C2CD2: variants seen among roughly 807,000 people sequenced by gnomAD.
C2CD2 encodes the protein C2 domain-containing protein 2.
C2CD2 carries 43 observed loss-of-function variants against 74.3 expected under a neutral mutation model. That is an observed-to-expected ratio of 0.58 (90% CI 0.45 to 0.75). The LOEUF (loss-of-function observed/expected upper bound fraction) is 0.75. Among genes scored for constraint, C2CD2 ranks in the 30% least tolerant of loss-of-function variants. C2CD2 has a pLI of 0.00. For synonymous variants in C2CD2, 422 were observed against 390.7 expected (o/e 1.08, Z -0.94); for missense variants, 801 against 916.3 (o/e 0.87, Z 1.63).
rs1370988114 is a variant in C2CD2 at position 41,923,034 on chromosome 21, C to T, written c.379-949G>A. On this transcript the variant is annotated intron_variant, in intron 2 of 13. Transcript: ENST00000380486. The surrounding 1 kb of genome is among the most constrained non-coding windows in gnomAD (Gnocchi z 5.8). ...TTTTGGAGATGGAGTTTCACTCTGTCGCCCAGGTTGGAGTGCAGTGGCACA... is the reference window on the plus strand; with the variant it reads ...TTTTGGAGATGGAGTTTCACTCTGTTGCCCAGGTTGGAGTGCAGTGGCACA... 6.7e-6 allele frequency among the ~76,000 whole-genome samples: 1 copy of T among 150,222 alleles called. No individual in the cohort carries two copies. Among genetic ancestry groups the T allele is most frequent in the Non-Finnish European group, 1.5e-5 (1 of 67,826 alleles).
intron 13 of C2CD2, among the ~76,000 whole-genome samples, chr21:41,898,631 G>T (rs1291125834): frequency 6.6e-6 from 1 of 152,174 alleles, no homozygotes; most frequent in Admixed American, 6.5e-5. Flanking sequence ...TTTTGTTTCA[G>T]GTGCAGGGAG....
chr21:41,914,531 G>A (rs1010419601), intron 6 of C2CD2, 67 bp downstream of exon 6: 1 of 1,454,604 alleles, frequency 6.9e-7, no homozygotes. Flanking sequence ...AGGCCCCCCG[G>A]AGCCCCCGAC....
In C2CD2 at chr21:41,903,137, C is replaced by T. The variant is rs75164491; in HGVS notation, c.1433-1388G>A. On this transcript the variant is annotated intron_variant, in intron 11 of 13. Transcript: ENST00000380486. The surrounding 1 kb of genome is among the most constrained non-coding windows in gnomAD (Gnocchi z 4.5). ...ACGTACTGGGAAAGGGGCGACTCCA[C>T]GGAGATCAAAGCTCCCACACTCAGG... 0.016 allele frequency among the ~76,000 whole-genome samples: 2,473 copies of T among 152,292 alleles called. 72 individuals carry two copies. Among genetic ancestry groups the T allele is most frequent in the African/African-American group, 0.056 (2,333 of 41,536 alleles).
rs959472201 is a variant in C2CD2 at position 41,885,343 on chromosome 21, A to G, written c.*3781T>C. On this transcript the variant is annotated 3_prime_UTR_variant, in exon 14 of 14. Coordinates refer to ENST00000380486, the MANE Select transcript of C2CD2 (RefSeq NM_015500.2). ...ACCTGCCACTTTCTTCTCTTTTTAC[A>G]ATGCAGTTTCGACATAACATTGGTA... 6.6e-6 allele frequency: 1 copy of G among 152,544 alleles called. No homozygotes were observed. The highest frequency in any genetic ancestry group is 6.5e-5 in the Admixed American group (1 of 15,282). 9.4% of individuals were successfully genotyped at this position (152,544 alleles called of 1,614,324 possible).
rs756578950 is a variant in C2CD2 at position 41,945,309 on chromosome 21, G to GT, written c.280-3065dup. On this transcript the variant is annotated intron_variant, in intron 1 of 13. Coordinates refer to ENST00000380486, the MANE Select transcript of C2CD2 (RefSeq NM_015500.2). The surrounding 1 kb of genome is among the most constrained non-coding windows in gnomAD (Gnocchi z 4.2). ...TGCGCACACACGTTGGTATACACAC[G>GT]TATGTTTGCTATTGCTGAACACTGA... 3.3e-4 allele frequency among the ~76,000 whole-genome samples: 51 copies of GT among 152,240 alleles called. No individual in the cohort carries two copies. Among genetic ancestry groups the GT allele is most frequent in the Non-Finnish European group, 6.3e-4 (43 of 68,016 alleles).
intron 13 of C2CD2, among the ~76,000 whole-genome samples, chr21:41,893,229 A>C (rs532146858): frequency 2.6e-5 from 4 of 152,332 alleles, no homozygotes; most frequent in Admixed American, 6.5e-5. Context: ...TAATTTATGC[A>C]AGTGAAATTG....
In C2CD2 at chr21:41,937,964, C is replaced by T. The variant is rs142864570; in HGVS notation, c.378+4183G>A. Among the ~76,000 whole-genome samples, 515 of 152,150 alleles carry T rather than the reference C, an allele frequency of 3.4e-3. 4 individuals carry two copies. Among genetic ancestry groups the T allele is most frequent in the African/African-American group, 0.012 (494 of 41,508 alleles). On this transcript the variant is annotated intron_variant, in intron 2 of 13. Transcript: ENST00000380486. ...CCAGACGCTGGGGAGTTGGGGACGT[C>T]GGGGAGGTATTGGTTAAAGGATACC...
Position 41,914,664 on chromosome 21 carries a change from C to T in C2CD2, c.778G>A (p.Ala260Thr), listed in dbSNP as rs942612986. ...QESCPPKPPR[A>T]HELKLLVRNI... ...CTCACCAGTAGCTTCAGCTCGTGAGCCCTTGGAGGTTTAGGAGGACAGGAT... is the reference window on the plus strand; with the variant it reads ...CTCACCAGTAGCTTCAGCTCGTGAGTCCTTGGAGGTTTAGGAGGACAGGAT... The change falls in exon 6 of 14, where the codon GCT becomes ACT. Residue 260 changes from alanine (A) to threonine (T), a missense_variant. Coordinates refer to ENST00000380486, the MANE Select transcript of C2CD2 (RefSeq NM_015500.2). 6.2e-7 allele frequency: 1 copy of T among 1,613,690 alleles called. No homozygotes were observed. Among genetic ancestry groups the T allele is most frequent in the South Asian group, 1.1e-5 (1 of 91,068 alleles).
At chr21:41,952,265 G>A (rs2065456137) in intron 1 of C2CD2, among the ~76,000 whole-genome samples, 1 of 152,216 alleles carries the variant, frequency 6.6e-6, no homozygotes, top group Non-Finnish European at 1.5e-5. Context: ...TTGATTTGTT[G>A]GATGGCTGCT....
rs938043502 is a variant in C2CD2 at position 41,919,070 on chromosome 21, G to A, written c.493-110C>T. The A allele has an allele frequency of 1.6e-5, 12 of 770,538 alleles. No homozygotes were observed. In the African/African-American group the frequency reaches 1.9e-4, roughly 12 times the overall value. The allele number at this position is 770,538 out of a possible 1,614,324, so 47.7% of individuals were successfully genotyped here. A position where few individuals can be genotyped will look rare whatever the true frequency, so the allele number is the denominator to read the frequency against. ...TGTGTGTGTGCATATATGCATGTGA[G>A]CATGTGTCTATGTGAGCATATATGA... On this transcript the variant is annotated intron_variant, in intron 3 of 13. Coordinates refer to ENST00000380486, the MANE Select transcript of C2CD2 (RefSeq NM_015500.2).
At chr21:41,902,192 CA>C (rs960121944) in intron 11 of C2CD2, among the ~76,000 whole-genome samples, 3 of 152,168 alleles carry the variant, frequency 2.0e-5, no homozygotes, top group Non-Finnish European at 4.4e-5. Context: ...AAGCAAACAA[CA>C]AAAAAAAAAT....
intron 10 of C2CD2, among the ~76,000 whole-genome samples, chr21:41,906,448 C>T (rs923811976): frequency 6.6e-6 from 1 of 152,218 alleles, no homozygotes; most frequent in Non-Finnish European, 1.5e-5. Flanking sequence ...TCACTGCAAC[C>T]TCTGCCTCCT....
At chr21:41,896,707 C>CAAAAAAA (rs71332341) in intron 13 of C2CD2, among the ~76,000 whole-genome samples, 24 of 73,612 alleles carry the variant, frequency 3.3e-4, no homozygotes, top group African/African-American at 5.2e-4. Context: ...GTTCTTAAAC[C>CAAAAAAA]AAAAAAAAAA....
rs2065217536 is a variant in C2CD2, at chr21:41,926,746, C to T, written c.379-4661G>A. On this transcript the variant is annotated intron_variant, in intron 2 of 13. Transcript: ENST00000380486. The surrounding 1 kb of genome is among the most constrained non-coding windows in gnomAD (Gnocchi z 8.0). Reference sequence around the variant, plus strand: ...TTCAATTAAGCTTCCTGTACAGCTGCCTCGGCTCCTTCTCTTAGAACACTC... The same window carrying T: ...TTCAATTAAGCTTCCTGTACAGCTGTCTCGGCTCCTTCTCTTAGAACACTC... 1 of 334,226 alleles carries T rather than the reference C, an allele frequency of 3.0e-6. No homozygotes were observed. The highest frequency in any genetic ancestry group is 2.2e-5 in the African/African-American group (1 of 44,776). The allele number at this position is 334,226 out of a possible 1,614,324, so 20.7% of individuals were successfully genotyped here. A position where few individuals can be genotyped will look rare whatever the true frequency, so the allele number is the denominator to read the frequency against.
chr21:41,944,500 C>T (rs1450447976), intron 1 of C2CD2, among the ~76,000 whole-genome samples: 8 of 116,584 alleles, frequency 6.9e-5, no homozygotes, highest in African/African-American at 1.0e-4. Flanking sequence ...TGAGCCTGGG[C>T]GACAGAGCGA....
chr21:41,910,033 T>A (rs540033011), intron 7 of C2CD2, among the ~76,000 whole-genome samples: 12 of 149,404 alleles, frequency 8.0e-5, no homozygotes, highest in Non-Finnish European at 1.5e-4. Context: ...GAAGTCTTGC[T>A]ACGTTGCCCA....
chr21:41,894,866 G>T (rs2064803762), intron 13 of C2CD2: 2 of 456,658 alleles, frequency 4.4e-6, no homozygotes, highest in Non-Finnish European at 8.8e-6. Context: ...TGGTGGTTGT[G>T]AGGGTCAAGG....
At position 41,918,940 on chromosome 21, in the gene C2CD2, C is replaced by A. The variant is rs188498598; in HGVS notation, c.513G>T (p.Glu171Asp). The A allele has an allele frequency of 4.3e-5, 69 of 1,613,924 alleles. 1 individual carries two copies. The African/African-American group carries it at 8.1e-4, about 19-fold the overall frequency. Residue 171 changes from glutamate (E) to aspartate (D), a missense_variant, in exon 4 of 14, where the codon GAG (glutamate) becomes GAT (aspartate). Physicochemically the swap from Glu to Asp is conservative, Grantham distance 45. Coordinates refer to ENST00000380486, the MANE Select transcript of C2CD2 (RefSeq NM_015500.2). ...AGCTAATCTGGAGGTCCTCTCTCTT[C>A]TCCTTCATGTGGAACTCCAGCTATT... ...FHLQLEFHMKEKREDLQISWS... is the reference protein window; with the variant it reads ...FHLQLEFHMKDKREDLQISWS...
In C2CD2 at chr21:41,926,670, A is replaced by G. The variant is rs771802441; in HGVS notation, c.379-4585T>C. ...CTCCAGATTTTGCTACTGTTCACCAACAAGAGAGCCCCTGAGTCTTCAGAT... is the reference window on the plus strand; with the variant it reads ...CTCCAGATTTTGCTACTGTTCACCAGCAAGAGAGCCCCTGAGTCTTCAGAT... On this transcript the variant is annotated intron_variant, in intron 2 of 13. Transcript: ENST00000380486. This position sits in a 1 kb window ranked among gnomAD's most constrained non-coding sequence, Gnocchi z 8.0. The G allele has an allele frequency of 2.0e-5, 20 of 981,090 alleles. No individual in the cohort carries two copies. The highest frequency in any genetic ancestry group is 2.2e-5 in the Non-Finnish European group (18 of 826,204). The allele number at this position is 981,090 out of a possible 1,614,324, so 60.8% of individuals were successfully genotyped here.
Sources: gnomAD v4.1 joint callset for allele counts (sites outside exome capture counted in the v4.1 genomes callset) on GRCh38, gnomAD v4.1.1 for gene constraint, Gnocchi (gnomAD v3.1) non-coding constraint, MANE v1.5 for transcripts, NCBI Gene and HGNC (gene_info 2026-07-23, HGNC 2026-07-21) for gene names.